The following ADD3 variants were observed in gnomAD, a reference collection of about 807,000 sequenced individuals.
ADD3 encodes adducin 3, also known as gamma-adducin.
In ADD3, 25 loss-of-function variants were observed where a neutral mutation model predicts 80.2. The ratio of observed to expected loss-of-function variants is 0.31; its 90% CI spans 0.23 to 0.44. The LOEUF (loss-of-function observed/expected upper bound fraction) is 0.44. Among genes scored for constraint, ADD3 ranks in the 20% least tolerant of loss-of-function variants. The probability of loss-of-function intolerance (pLI) is 1.00; values close to 1 mark genes in which losing one functional copy is unlikely to be tolerated. For synonymous variants in ADD3, 284 were observed against 289.6 expected (o/e 0.98, Z 0.20); for missense variants, 829 against 847.5 (o/e 0.98, Z 0.27).
intron 1 of ADD3, among the ~76,000 whole-genome samples, chr10:110,098,142 T>C (rs544795271): frequency 6.6e-6 from 1 of 152,310 alleles, no homozygotes; most frequent in African/African-American, 2.4e-5. Flanking sequence ...ACAATGATCC[T>C]CAATTTAAGG....
chr10:110,022,646 C>T (rs1304338474), intron 1 of ADD3, among the ~76,000 whole-genome samples: 1 of 152,116 alleles, frequency 6.6e-6, no homozygotes, highest in Non-Finnish European at 1.5e-5. Context: ...GTGAACCAGA[C>T]AAAAACCTTA....
chr10:110,047,744 A>G (rs1589863017), intron 1 of ADD3, among the ~76,000 whole-genome samples: 1 of 152,318 alleles, frequency 6.6e-6, no homozygotes, highest in East Asian at 1.9e-4. Context: ...CAGAAGCACA[A>G]ATGAAAGAAA....
intron 3 of ADD3, among the ~76,000 whole-genome samples, chr10:110,114,238 C>T (rs924485967): frequency 2.0e-5 from 3 of 152,064 alleles, no homozygotes; most frequent in African/African-American, 4.8e-5. Context: ...TGGAAGGTTA[C>T]GGGGAGAATA....
intron 2 of ADD3, among the ~76,000 whole-genome samples, chr10:110,104,149 A>G (rs1849157477): frequency 6.6e-6 from 1 of 152,226 alleles, no homozygotes; most frequent in South Asian, 2.1e-4. Flanking sequence ...GGCATAAGAT[A>G]ACTGCTACAG....
chr10:110,112,667 A>C, intron 2 of ADD3, 110 bp from the exon 3 acceptor site: 1 of 1,247,630 alleles, frequency 8.0e-7, no homozygotes, highest in Non-Finnish European at 1.1e-6. Flanking sequence ...TAAATAGTAC[A>C]GGTAAAAGCT....
intron 2 of ADD3, among the ~76,000 whole-genome samples, chr10:110,102,074 A>C (rs142830529): frequency 6.6e-6 from 1 of 152,316 alleles, no homozygotes; most frequent in East Asian, 1.9e-4. Context: ...GAAAGCATTG[A>C]AGTACAAGTT....
chr10:110,108,105 G>T (rs1055425066), intron 2 of ADD3, among the ~76,000 whole-genome samples: 1 of 152,062 alleles, frequency 6.6e-6, no homozygotes, highest in African/African-American at 2.4e-5. Flanking sequence ...TCTGACTTAA[G>T]CCCAGTATGT....
intron 1 of ADD3, among the ~76,000 whole-genome samples, chr10:110,026,604 A>G (rs1854341869): frequency 1.3e-5 from 2 of 152,058 alleles, no homozygotes; most frequent in Non-Finnish European, 1.5e-5. Context: ...GTCAGTTTTA[A>G]TAGGACCCAG....
At chr10:110,025,945 G>A (rs72828263) in intron 1 of ADD3, among the ~76,000 whole-genome samples, 21,558 of 151,850 alleles carry the variant, frequency 0.14, 1,904 homozygotes, top group East Asian at 0.4. Flanking sequence ...AAATTTCATC[G>A]AATTTGGGAA....
chr10:110,037,524 G>A (rs1308282470), intron 1 of ADD3, among the ~76,000 whole-genome samples: 1 of 149,082 alleles, frequency 6.7e-6, no homozygotes, highest in East Asian at 2.0e-4. Context: ...AGAATCACTT[G>A]AATCTAGGAG....
In ADD3 at chr10:110,042,687, GT is replaced by G. The variant is rs35414440; in HGVS notation, c.-30+34403del. Among the ~76,000 whole-genome samples, 134 of 140,606 alleles carry G rather than the reference GT, an allele frequency of 9.5e-4. 1 individual carries two copies. Among genetic ancestry groups the G allele is most frequent in the African/African-American group, 3.2e-3 (121 of 38,072 alleles). 92.2% of individuals were successfully genotyped at this position (140,606 alleles called of 152,430 possible). A position where few individuals can be genotyped will look rare whatever the true frequency, so the allele number is the denominator to read the frequency against. On this transcript the variant is annotated intron_variant, in intron 1 of 14. Transcript: ENST00000356080. ...TGATAACTGAGTTTTGTCTGGTGCT[GT>G]TTTTTTTTTTTTTTCCATCAGTTTT...
intron 8 of ADD3, 95 bp from the exon 9 acceptor site, chr10:110,122,015 T>C: frequency 9.1e-7 from 1 of 1,101,094 alleles, no homozygotes; most frequent in Non-Finnish European, 1.3e-6. Flanking sequence ...GTATTATAGA[T>C]ATTTGCCAAA....
intron 8 of ADD3, among the ~76,000 whole-genome samples, chr10:110,120,178 CTCGTCA>C (rs1231133628): frequency 6.7e-6 from 1 of 149,260 alleles, no homozygotes; most frequent in Non-Finnish European, 1.5e-5. Context: ...CACCCACCAA[CTCGTCA>C]TCTAGCATTA....
intron 1 of ADD3, among the ~76,000 whole-genome samples, chr10:110,036,717 C>T (rs1312578189): frequency 6.6e-6 from 1 of 151,944 alleles, no homozygotes; most frequent in Non-Finnish European, 1.5e-5. Flanking sequence ...TAAGTAGATA[C>T]TTTCACTCTC....
At chr10:110,069,463 C>T (rs7920342) in intron 1 of ADD3, among the ~76,000 whole-genome samples, 18,912 of 152,098 alleles carry the variant, frequency 0.12, 3,756 homozygotes, top group African/African-American at 0.42. Flanking sequence ...ACAAAAGTAA[C>T]CTTTCTCATA....
intron 1 of ADD3, among the ~76,000 whole-genome samples, chr10:110,014,230 C>G (rs558832216): frequency 3.3e-5 from 5 of 152,162 alleles, no homozygotes; most frequent in East Asian, 1.9e-4. Context: ...TTAGCTGCAT[C>G]GTGACTTCTG....
intron 2 of ADD3, among the ~76,000 whole-genome samples, chr10:110,102,765 A>C (rs1367607714): frequency 6.6e-6 from 1 of 152,232 alleles, no homozygotes; most frequent in Non-Finnish European, 1.5e-5. Context: ...CTAACTGTAG[A>C]GTCTAAATGA....
At chr10:110,066,621 C>G (rs1028557417) in intron 1 of ADD3, among the ~76,000 whole-genome samples, 2 of 151,988 alleles carry the variant, frequency 1.3e-5, no homozygotes, top group South Asian at 4.1e-4. Flanking sequence ...ATGAACCCTT[C>G]AACATTCTGG....
intron 2 of ADD3, among the ~76,000 whole-genome samples, chr10:110,110,488 G>A (rs985203024): frequency 6.6e-6 from 1 of 152,056 alleles, no homozygotes; most frequent in Admixed American, 6.5e-5. Flanking sequence ...CATCAGGGAG[G>A]GATCTTCCGG....
Sources: gnomAD v4.1 joint callset for allele counts (sites outside exome capture counted in the v4.1 genomes callset) on GRCh38, gnomAD v4.1.1 for gene constraint, MANE v1.5 for transcripts, NCBI Gene and HGNC (gene_info 2026-07-23, HGNC 2026-07-21) for gene names.